Variants in USP32 observed in about 807,000 individuals in gnomAD.
USP32 encodes the protein ubiquitin specific peptidase 32.
USP32 carries 59 observed loss-of-function variants against 204.8 expected under a neutral mutation model. The observed-to-expected ratio is 0.29, with a 90% CI of 0.23 to 0.36. The LOEUF is 0.36. Among genes scored for constraint, USP32 ranks in the 10% least tolerant of loss-of-function variants. The pLI, the probability that USP32 is intolerant of heterozygous loss-of-function variation, is 1.00. For missense variants in USP32, 1,160 were observed against 1,946.4 expected (o/e 0.60, Z 7.60); for synonymous variants, 517 against 678.4 (o/e 0.76, Z 3.70).
intron 27 of USP32, among the ~76,000 whole-genome samples, chr17:60,196,893 A>G (rs1337365319): frequency 6.6e-6 from 1 of 152,088 alleles, no homozygotes; most frequent in Admixed American, 6.5e-5. Context: ...CTTTAAATTT[A>G]AATCTGGCCA....
chr17:60,180,474 T>G, intron 33 of USP32, 71 bp downstream of exon 33: 5 of 1,502,044 alleles, frequency 3.3e-6, no homozygotes, highest in Non-Finnish European at 4.6e-6. Flanking sequence ...TAGTCCATTA[T>G]TTCAACAAAT....
chr17:60,224,905 T>A (rs748751451), intron 13 of USP32, among the ~76,000 whole-genome samples: 5 of 152,180 alleles, frequency 3.3e-5, no homozygotes, highest in Admixed American at 6.5e-5. Context: ...CTTGTAGGTG[T>A]GGAAACATGA....
chr17:60,341,659 G>A (rs1223252841), intron 2 of USP32, among the ~76,000 whole-genome samples: 3 of 151,804 alleles, frequency 2.0e-5, no homozygotes, highest in South Asian at 4.1e-4. Context: ...TTTGATATTC[G>A]ATCACTGATA....
intron 9 of USP32, 86 bp downstream of exon 9, chr17:60,265,326 G>A: frequency 1.1e-6 from 1 of 899,048 alleles, no homozygotes; most frequent in Non-Finnish European, 1.7e-6. Flanking sequence ...ATGCCAAAGA[G>A]ATTCAAGCAT....
chr17:60,392,437 C>T (rs1023437928), upstream of USP32: 1 of 239,540 alleles, frequency 4.2e-6, no homozygotes, highest in Non-Finnish European at 8.6e-6. Context: ...CGGGCGCCTC[C>T]GCTGGCGACG....
intron 1 of USP32, among the ~76,000 whole-genome samples, chr17:60,362,263 T>C (rs1199160370): frequency 6.6e-6 from 1 of 152,100 alleles, no homozygotes; most frequent in Non-Finnish European, 1.5e-5. Flanking sequence ...AGCATAAAAA[T>C]GTGAAGAAAA....
At chr17:60,416,477 T>C (rs1373080147) in intron 1 of USP32, among the ~76,000 whole-genome samples, 3 of 152,050 alleles carry the variant, frequency 2.0e-5, no homozygotes, top group African/African-American at 7.2e-5. Flanking sequence ...ATGCCTAAAG[T>C]ATATGGCACA....
At chr17:60,330,303 C>T (rs2088348577) in intron 2 of USP32, among the ~76,000 whole-genome samples, 1 of 152,136 alleles carries the variant, frequency 6.6e-6, no homozygotes, top group Non-Finnish European at 1.5e-5. Flanking sequence ...AAATTGGCCT[C>T]CTTGTCCTCA....
intron 19 of USP32, 92 bp from the exon 20 acceptor site, chr17:60,211,606 A>G (rs2084969736): frequency 1.3e-6 from 2 of 1,498,268 alleles, no homozygotes; most frequent in South Asian, 1.4e-5. Flanking sequence ...GTTTTTTATA[A>G]CTCTCATAAT....
upstream of USP32, among the ~76,000 whole-genome samples, chr17:60,395,888 G>A (rs2089896848): frequency 6.6e-6 from 1 of 152,086 alleles, no homozygotes; most frequent in African/African-American, 2.4e-5. Flanking sequence ...TAGAGAGAGG[G>A]AGGTCAATAC....
rs117768640 is a variant in USP32, at chr17:60,276,226, T to C, written c.572-4745A>G. On this transcript the variant is annotated intron_variant, in intron 5 of 33. Transcript: ENST00000300896. ...AGACCCTGTTTCAACTTTTTTGTAA[T>C]AAAATAAAAAATGTAAAACTCATAC... 1.8e-3 allele frequency among the ~76,000 whole-genome samples: 280 copies of C among 152,232 alleles called. 3 individuals carry two copies. The highest frequency in any genetic ancestry group is 0.017 in the South Asian group (80 of 4,830).
intron 4 of USP32, among the ~76,000 whole-genome samples, chr17:60,293,103 T>C (rs1046044159): frequency 2.0e-5 from 3 of 152,220 alleles, no homozygotes; most frequent in Non-Finnish European, 2.9e-5. Flanking sequence ...CTAAGCATTC[T>C]ATATAAAATA....
intron 16 of USP32, among the ~76,000 whole-genome samples, chr17:60,215,449 GA>G: frequency 6.8e-6 from 1 of 147,038 alleles, no homozygotes; most frequent in Non-Finnish European, 1.5e-5. Flanking sequence ...ATAGCAAAAT[GA>G]AATAAAACTC....
Position 60,235,999 on chromosome 17 carries a change from A to T in USP32, c.1239+139T>A, listed in dbSNP as rs1208029848. 13 of 691,254 alleles carry T rather than the reference A, an allele frequency of 1.9e-5. No homozygotes were observed. In the Admixed American group the frequency reaches 2.7e-4, roughly 14 times the overall value. 42.8% of individuals were successfully genotyped at this position (691,254 alleles called of 1,614,324 possible). ...CATAGCAAGTATCATATAAACACTC[A>T]TTTCCTTTCCCTTCGAATCTTTATT... On this transcript the variant is annotated intron_variant, in intron 12 of 33. Transcript: ENST00000300896.
chr17:60,356,787 A>G (rs1427409616), intron 1 of USP32, among the ~76,000 whole-genome samples: 3 of 152,206 alleles, frequency 2.0e-5, no homozygotes, highest in Non-Finnish European at 4.4e-5. Context: ...AATGAAGCCC[A>G]TACACAGGAA....
intron 12 of USP32, 123 bp from the exon 13 acceptor site, chr17:60,226,354 A>T (rs1736941164): frequency 1.2e-6 from 1 of 840,600 alleles, no homozygotes; most frequent in African/African-American, 1.8e-5. Context: ...ACAGACATTT[A>T]AAAACATTCT....
chr17:60,223,467 G>T lies in USP32; in HGVS notation c.1552C>A (p.Pro518Thr), dbSNP rs532941438. The T allele has an allele frequency of 8.1e-6, 13 of 1,613,880 alleles. No homozygotes were observed. The South Asian group carries it at 1.3e-4, about 16-fold the overall frequency. Reference protein sequence around the residue: ...ANGNILLHLNPQKPGAIDNQP... With the variant: ...ANGNILLHLNTQKPGAIDNQP... The stretch of plus-strand genomic sequence containing the variant: ...TTATCAATAGCCCCTGGTTTCTGAG[G>T]GTTAAGGTGCAACAAAATATTCCCA... Residue 518 changes from proline to threonine, a missense_variant, in exon 14 of 34, where the codon CCT (proline) becomes ACT (threonine). Coordinates refer to ENST00000300896, the MANE Select transcript of USP32 (RefSeq NM_032582.4).
In USP32 at chr17:60,178,883, A is replaced by C. The variant is rs1158260545; in HGVS notation, c.*372T>G. On this transcript the variant is annotated 3_prime_UTR_variant, in exon 34 of 34. Transcript: ENST00000300896. ...TTATAATTGTTTGTTTTTTACTCTG[A>C]CTCCAAGGAAATCTTTAATATTTGT... Among the ~76,000 whole-genome samples, 1 of 152,082 alleles carries C rather than the reference A, an allele frequency of 6.6e-6. No homozygotes were observed. The highest frequency in any genetic ancestry group is 1.5e-5 in the Non-Finnish European group (1 of 68,018).
rs575103571 is a variant in USP32, at chr17:60,237,623, C to T, written c.1137-1383G>A. Among the ~76,000 whole-genome samples, 7 of 152,274 alleles carry T rather than the reference C, an allele frequency of 4.6e-5. No individual in the cohort carries two copies. The South Asian group carries it at 1.4e-3, about 32-fold the overall frequency. On this transcript the variant is annotated intron_variant, in intron 11 of 33. Coordinates refer to ENST00000300896, the MANE Select transcript of USP32 (RefSeq NM_032582.4). ...CGCCCAGACCTTAACAACCACCAGT[C>T]TGCTGTCTGGACCTATTGACTTGCC...
Sources: gnomAD v4.1 joint callset for allele counts (sites outside exome capture counted in the v4.1 genomes callset) on GRCh38, gnomAD v4.1.1 for gene constraint, MANE v1.5 for transcripts, NCBI Gene and HGNC (gene_info 2026-07-23, HGNC 2026-07-21) for gene names.